DYSF: variants seen among roughly 807,000 people sequenced by gnomAD.
DYSF encodes dystrophy-associated fer-1-like 1.
In DYSF, 212 loss-of-function variants were observed where a neutral mutation model predicts 274.9. That is an observed-to-expected ratio of 0.77 (90% CI 0.69 to 0.86). DYSF has a LOEUF of 0.86. Ranked by LOEUF, DYSF falls within the 40% of genes least tolerant of loss-of-function variation. The probability of loss-of-function intolerance (pLI) is 0.00; values close to 1 mark genes in which losing one functional copy is unlikely to be tolerated. For missense variants in DYSF, 2,666 were observed against 2,783.2 expected (o/e 0.96, Z 0.95); for synonymous variants, 1,091 against 1,078.7 (o/e 1.01, Z -0.22).
intron 31 of DYSF, 66 bp from the exon 32 acceptor site, chr2:71,590,145 C>A (rs2093216793): frequency 6.5e-7 from 1 of 1,548,846 alleles, no homozygotes; most frequent in South Asian, 1.1e-5. Flanking sequence ...CCACCTCCCC[C>A]CGAGCCCCAG....
chr2:71,571,021 TCAGCACACACACAGATTACACC>T lies in DYSF; in HGVS notation c.3228+297_3228+318del, dbSNP rs532288855. On this transcript the variant is annotated intron_variant, in intron 29 of 55. Transcript: ENST00000410020. ...CACTGGGAACACCCACAGATCACAC[TCAGCACACACACAGATTACACC>T]CAGCACACACACAGATCACACCCAG... The T allele has an allele frequency of 0.02, 8,097 of 413,222 alleles. 201 individuals are homozygous for T. The highest frequency in any genetic ancestry group is 0.066 in the South Asian group (2,925 of 44,232). The allele number at this position is 413,222 out of a possible 1,614,324, so 25.6% of individuals were successfully genotyped here.
At chr2:71,668,603 C>T (rs941733331) in intron 48 of DYSF, 151 bp from the exon 49 acceptor site, 13 of 720,080 alleles carry the variant, frequency 1.8e-5, no homozygotes, top group Middle Eastern at 3.0e-4. Context: ...CTGCGGTTGA[C>T]CCTGTAGTCC....
Position 71,611,369 on chromosome 2 carries a change from TG to T in DYSF, c.4059+28del, listed in dbSNP as rs113849164. ...GAGGTGAGCCGTCCGGGCCTGGGCG[TG>T]GGGGCTGGGAGCAGCCTGCCCTTCC... On this transcript the variant is annotated intron_variant, in intron 37 of 55. Coordinates refer to ENST00000410020, the MANE Select transcript of DYSF (RefSeq NM_001130987.2). The T allele has an allele frequency of 8.9e-3, 14,371 of 1,613,770 alleles. 1,000 individuals carry two copies. In the African/African-American group the frequency reaches 0.16, roughly 18 times the overall value.
intron 1 of DYSF, among the ~76,000 whole-genome samples, chr2:71,475,905 A>G (rs961207806): frequency 2.0e-5 from 3 of 152,128 alleles, no homozygotes; most frequent in African/African-American, 7.2e-5. Context: ...AGTAGCTGGG[A>G]CCGCAGGCAC....
chr2:71,611,238 A>G lies in DYSF; in HGVS notation c.3958-7A>G. On this transcript the variant is annotated splice_polypyrimidine_tract_variant and splice_region_variant and intron_variant, in intron 36 of 55. Transcript: ENST00000410020. Reference sequence around the variant, plus strand: ...TTTGTCTCCATTCTACCTGCTGTCCACTGCAGTCTGAGGACACAGACCTGC... The same window carrying G: ...TTTGTCTCCATTCTACCTGCTGTCCGCTGCAGTCTGAGGACACAGACCTGC... 6.2e-7 allele frequency: 1 copy of G among 1,601,724 alleles called. No individual in the cohort carries two copies. Among genetic ancestry groups the G allele is most frequent in the Non-Finnish European group, 8.6e-7 (1 of 1,168,908 alleles).
At chr2:71,567,518 C>G (rs941222074) in intron 24 of DYSF, among the ~76,000 whole-genome samples, 2 of 152,184 alleles carry the variant, frequency 1.3e-5, no homozygotes, top group African/African-American at 2.4e-5. Context: ...TTCAAATGCT[C>G]GGTAGCTACA....
At chr2:71,606,370 G>A (rs931567988) in intron 36 of DYSF, among the ~76,000 whole-genome samples, 4 of 152,116 alleles carry the variant, frequency 2.6e-5, no homozygotes, top group Admixed American at 1.3e-4. Flanking sequence ...GTCAAATGTG[G>A]CTTCCTCTGA....
At chr2:71,597,007 G>A (rs1434856669) in intron 32 of DYSF, among the ~76,000 whole-genome samples, 4 of 152,100 alleles carry the variant, frequency 2.6e-5, no homozygotes, top group East Asian at 3.9e-4. Context: ...CTCTTTCCTG[G>A]TCACTCCTTG....
At chr2:71,466,574 G>A, upstream of DYSF, 1 of 1,098,988 alleles carries the variant, frequency 9.1e-7, no homozygotes, top group East Asian at 3.7e-5. Flanking sequence ...CCCCACAGGC[G>A]CCCGTCTGAC....
intron 36 of DYSF, among the ~76,000 whole-genome samples, chr2:71,609,347 T>C (rs1168085359): frequency 6.6e-6 from 1 of 152,214 alleles, no homozygotes; most frequent in Non-Finnish European, 1.5e-5. Flanking sequence ...ATAAGTTTTT[T>C]TGCTTTATGC....
Position 71,551,097 on chromosome 2 carries a change from G to A in DYSF, c.1633G>A (p.Gly545Ser). Residue 545 changes from glycine (G) to serine (S), a missense_variant, in exon 18 of 56, where the codon GGC (glycine) becomes AGC (serine). Physicochemically the swap from Gly to Ser is moderately conservative, Grantham distance 56. This residue lies in a region of DYSF where 794 missense variants were observed against 777.1 expected (regional missense o/e 1.02). Coordinates refer to ENST00000410020, the MANE Select transcript of DYSF (RefSeq NM_001130987.2). ...TGGGCCCTGCTACATCAACCTCTAT[G>A]GCAGTCCCAGAGAGTTCACAGGCTT... ...TFGPCYINLY[G>S]SPREFTGFPD... 6.2e-7 allele frequency: 1 copy of A among 1,614,158 alleles called. No individual in the cohort carries two copies. Among genetic ancestry groups the A allele is most frequent in the Non-Finnish European group, 8.5e-7 (1 of 1,180,004 alleles).
chr2:71,622,897 G>A (rs1278177979), intron 41 of DYSF, among the ~76,000 whole-genome samples: 1 of 152,206 alleles, frequency 6.6e-6, no homozygotes, highest in Non-Finnish European at 1.5e-5. Flanking sequence ...TTACAGGTGT[G>A]AGCCACCGCA....
At chr2:71,568,433 C>T in intron 26 of DYSF, 95 bp downstream of exon 26, 3 of 1,511,068 alleles carry the variant, frequency 2.0e-6, no homozygotes, top group Non-Finnish European at 1.8e-6. Context: ...GTCTGTTGAT[C>T]CCTCTGCTTG....
chr2:71,654,058 C>T (rs1252703005), intron 42 of DYSF, among the ~76,000 whole-genome samples: 6 of 151,978 alleles, frequency 3.9e-5, no homozygotes, highest in African/African-American at 1.5e-4. Flanking sequence ...CTCAAATCAC[C>T]ACAGAACAGA....
intron 4 of DYSF, among the ~76,000 whole-genome samples, chr2:71,506,396 C>T (rs898873194): frequency 3.3e-5 from 5 of 152,128 alleles, no homozygotes; most frequent in African/African-American, 4.8e-5. Flanking sequence ...CAGACGAGGG[C>T]GACCGAGGTT....
At chr2:71,600,535 CCT>C (rs2093524300) in intron 33 of DYSF, among the ~76,000 whole-genome samples, 165 bp from the exon 34 acceptor site, 1 of 152,204 alleles carries the variant, frequency 6.6e-6, no homozygotes, top group African/African-American at 2.4e-5. Flanking sequence ...CTTGTTTTGT[CCT>C]TGAGTCCTGC....
intron 30 of DYSF, among the ~76,000 whole-genome samples, chr2:71,589,259 G>A (rs2093174440): frequency 6.6e-6 from 1 of 152,316 alleles, no homozygotes; most frequent in East Asian, 1.9e-4. Context: ...CTTGTCCCTA[G>A]TGGGCAGATC....
At chr2:71,613,497 T>C in intron 40 of DYSF, 87 bp downstream of exon 40, 1 of 1,142,088 alleles carries the variant, frequency 8.8e-7, no homozygotes, top group African/African-American at 1.5e-5. Flanking sequence ...TACCCTTCAT[T>C]ATCACACAGC....
chr2:71,479,650 C>T (rs2082722747), intron 1 of DYSF, among the ~76,000 whole-genome samples: 1 of 152,228 alleles, frequency 6.6e-6, no homozygotes, highest in South Asian at 2.1e-4. Flanking sequence ...TCAAGCCTCA[C>T]CTGCCCACCT....
Sources: gnomAD v4.1 joint callset for allele counts (sites outside exome capture counted in the v4.1 genomes callset) on GRCh38, gnomAD v4.1.1 for gene constraint, gnomAD v4.1.1 regional missense constraint, MANE v1.5 for transcripts, NCBI Gene and HGNC (gene_info 2026-07-23, HGNC 2026-07-21) for gene names.